The following ROBO1 variants were observed in gnomAD, a reference collection of about 807,000 sequenced individuals.
ROBO1 encodes the protein roundabout guidance receptor 1, also known as roundabout homolog 1.
A neutral mutation model predicts 195.9 loss-of-function variants in ROBO1; 149 were observed. The observed-to-expected ratio is 0.76, with a 90% CI of 0.67 to 0.87. ROBO1 has a LOEUF of 0.87. Among genes scored for constraint, ROBO1 ranks in the 40% least tolerant of loss-of-function variants. ROBO1 has a pLI of 0.00. For missense variants in ROBO1, 1,933 were observed against 2,068.3 expected (o/e 0.93, Z 1.27); for synonymous variants, 816 against 733.2 (o/e 1.11, Z -1.82).
chr3:79,678,951 TAATG>T (rs1336550364), intron 1 of ROBO1, among the ~76,000 whole-genome samples: 1 of 152,096 alleles, frequency 6.6e-6, no homozygotes, highest in African/African-American at 2.4e-5. Context: ...AATGGACACT[TAATG>T]AATACTATGG....
chr3:79,254,660 A>T (rs1171285686), intron 2 of ROBO1, among the ~76,000 whole-genome samples: 1 of 152,186 alleles, frequency 6.6e-6, no homozygotes, highest in African/African-American at 2.4e-5. Context: ...GAAAGTAGCA[A>T]TAAACTTGGA....
chr3:78,830,063 T>C (rs940983890), intron 4 of ROBO1, among the ~76,000 whole-genome samples: 1 of 152,268 alleles, frequency 6.6e-6, no homozygotes, highest in Admixed American at 6.5e-5. Context: ...TGTGGATTTG[T>C]ATAATCATCA....
chr3:78,753,204 T>C (rs2082841467), intron 4 of ROBO1, among the ~76,000 whole-genome samples: 1 of 152,180 alleles, frequency 6.6e-6, no homozygotes, highest in East Asian at 1.9e-4. Context: ...TACTGTATGA[T>C]GGAGAAGCAA....
intron 5 of ROBO1, among the ~76,000 whole-genome samples, chr3:78,719,330 T>C (rs929475542): frequency 5.9e-5 from 9 of 152,142 alleles, no homozygotes; most frequent in Admixed American, 3.9e-4. Context: ...AGTTATGTGT[T>C]AAATTGTTTT....
intron 1 of ROBO1, among the ~76,000 whole-genome samples, chr3:79,662,564 C>T (rs574884913): frequency 2.6e-5 from 4 of 152,120 alleles, no homozygotes; most frequent in African/African-American, 7.2e-5. Context: ...TAAAGGAAGT[C>T]GACTTCTGCC....
chr3:79,385,344 T>A (rs1419039957), intron 2 of ROBO1, among the ~76,000 whole-genome samples: 2 of 152,128 alleles, frequency 1.3e-5, no homozygotes, highest in African/African-American at 4.8e-5. Context: ...AATAGCTTTT[T>A]TTAGGAATGC....
At chr3:79,236,477 T>C (rs2082408975) in intron 2 of ROBO1, among the ~76,000 whole-genome samples, 4 of 152,238 alleles carry the variant, frequency 2.6e-5, no homozygotes, top group Admixed American at 2.6e-4. Context: ...GAAAATTATA[T>C]ACATAAAAAT....
intron 1 of ROBO1, among the ~76,000 whole-genome samples, chr3:79,701,865 C>T (rs1001920508): frequency 3.3e-5 from 5 of 151,602 alleles, no homozygotes; most frequent in African/African-American, 1.2e-4. Context: ...ATCAAATATA[C>T]TACTAAAATT....
rs184907512 is a variant in ROBO1, at chr3:79,472,305, C to G, written c.88+117519G>C. On this transcript the variant is annotated intron_variant, in intron 2 of 30. Transcript: ENST00000464233. ...TTTAGGATTAGAAATTCAGAGGGGG[C>G]CAAGAAATGGACAATTTTAGAACAA... Among the ~76,000 whole-genome samples, 498 of 152,148 alleles carry G rather than the reference C, an allele frequency of 3.3e-3. 3 individuals carry two copies. Among genetic ancestry groups the G allele is most frequent in the Middle Eastern group, 0.017 (5 of 294 alleles).
chr3:78,732,209 C>T (rs902077022), intron 5 of ROBO1, among the ~76,000 whole-genome samples: 1 of 152,016 alleles, frequency 6.6e-6, no homozygotes, highest in African/African-American at 2.4e-5. Flanking sequence ...TTGCTTCTCA[C>T]GCCATAAACT....
intron 2 of ROBO1, among the ~76,000 whole-genome samples, chr3:79,192,908 T>TACA (rs2081565218): frequency 6.6e-6 from 1 of 151,624 alleles, no homozygotes; most frequent in Admixed American, 6.6e-5. Flanking sequence ...ATTAGTTTAT[T>TACA]ACAGGTAAGA....
chr3:79,556,353 A>G (rs2107691415), intron 2 of ROBO1, among the ~76,000 whole-genome samples: 1 of 152,238 alleles, frequency 6.6e-6, no homozygotes, highest in East Asian at 1.9e-4. Flanking sequence ...AAGTATATAA[A>G]TAGATCCGCT....
Position 78,657,099 on chromosome 3 carries a change from C to T in ROBO1, c.2613G>A (p.Leu871=), listed in dbSNP as rs763914666. 1 of 1,604,138 alleles carries T rather than the reference C, an allele frequency of 6.2e-7. No homozygotes were observed. The highest frequency in any genetic ancestry group is 1.1e-5 in the South Asian group (1 of 88,950). ...AACTGGATCTGCACTGACACTCACC[C>T]AGCTGGATGAACTGAGGCTCACTCT... ...GVKSEPQFIQ[L]DAHGNPVSPE... Residue 871 remains leucine (L), a splice_region_variant and synonymous_variant, in exon 18 of 31, where the codon CTG becomes CTA. Coordinates refer to ENST00000464233, the MANE Select transcript of ROBO1 (RefSeq NM_002941.4).
intron 1 of ROBO1, among the ~76,000 whole-genome samples, chr3:79,674,917 A>C (rs1171016986): frequency 6.6e-6 from 1 of 151,870 alleles, no homozygotes; most frequent in Non-Finnish European, 1.5e-5. Context: ...TTTTAGTTAA[A>C]AAACTAGTAA....
chr3:78,611,176 G>C (rs1703784865), intron 28 of ROBO1, among the ~76,000 whole-genome samples: 1 of 152,148 alleles, frequency 6.6e-6, no homozygotes, highest in African/African-American at 2.4e-5. Flanking sequence ...ACCTGCTATA[G>C]AGATCCAGCA....
intron 2 of ROBO1, among the ~76,000 whole-genome samples, chr3:79,152,305 T>C (rs2108641605): frequency 6.6e-6 from 1 of 151,992 alleles, no homozygotes; most frequent in East Asian, 1.9e-4. Context: ...ATATTTCTAA[T>C]AAGTTTTGTT....
intron 2 of ROBO1, among the ~76,000 whole-genome samples, chr3:79,175,632 T>G (rs1198751455): frequency 6.6e-6 from 1 of 152,208 alleles, no homozygotes; most frequent in Non-Finnish European, 1.5e-5. Flanking sequence ...CAGAAAAAAT[T>G]ATCCTACAAT....
At position 79,654,665 on chromosome 3, in the gene ROBO1, C is replaced by G. The variant is rs184893578; in HGVS notation, c.-50-64704G>C. Among the ~76,000 whole-genome samples, 63 of 152,016 alleles carry G rather than the reference C, an allele frequency of 4.1e-4. No individual in the cohort carries two copies. The East Asian group carries it at 6.6e-3, about 16-fold the overall frequency. On this transcript the variant is annotated intron_variant, in intron 1 of 30. Transcript: ENST00000464233. ...GCACATTTACACATTTTCAGACTAC[C>G]TTTCTAATTTCACGAAATCAGTTGA...
chr3:78,876,081 A>G (rs2035827378), intron 4 of ROBO1, among the ~76,000 whole-genome samples: 1 of 152,136 alleles, frequency 6.6e-6, no homozygotes, highest in African/African-American at 2.4e-5. Flanking sequence ...TGCCAGGAAT[A>G]GAAAGGAAAG....
Sources: gnomAD v4.1 joint callset for allele counts (sites outside exome capture counted in the v4.1 genomes callset) on GRCh38, gnomAD v4.1.1 for gene constraint, MANE v1.5 for transcripts, NCBI Gene and HGNC (gene_info 2026-07-23, HGNC 2026-07-21) for gene names.